Variants in CDH12 observed in about 807,000 individuals in gnomAD.
The protein encoded by CDH12 is cadherin-12.
In CDH12, 41 loss-of-function variants were observed where a neutral mutation model predicts 74.1. That is an observed-to-expected ratio of 0.55 (90% CI 0.43 to 0.72). The LOEUF is 0.72. CDH12 is among the 30% of genes least tolerant of loss of function. The pLI, the probability that CDH12 is intolerant of heterozygous loss-of-function variation, is 0.00. For synonymous variants in CDH12, 399 were observed against 355.0 expected (o/e 1.12, Z -1.39); for missense variants, 945 against 977.2 (o/e 0.97, Z 0.44).
At chr5:22,471,232 G>C (rs1251355683) in intron 2 of CDH12, among the ~76,000 whole-genome samples, 1 of 152,022 alleles carries the variant, frequency 6.6e-6, no homozygotes, top group Non-Finnish European at 1.5e-5. Flanking sequence ...CTAACACGTG[G>C]GTGTTCTGCC....
intron 1 of CDH12, among the ~76,000 whole-genome samples, chr5:22,840,402 A>G (rs1330550286): frequency 6.6e-6 from 1 of 152,126 alleles, no homozygotes; most frequent in African/African-American, 2.4e-5. Flanking sequence ...GATTACAGGC[A>G]TGAAACGAAT....
intron 6 of CDH12, among the ~76,000 whole-genome samples, chr5:21,891,614 A>G (rs1428379523): frequency 1.3e-5 from 1 of 78,346 alleles, no homozygotes; most frequent in African/African-American, 3.1e-5. Flanking sequence ...CTTTCTGGCA[A>G]TGTTTCTTAC....
chr5:22,003,551 T>C (rs1243075765), intron 5 of CDH12, among the ~76,000 whole-genome samples: 1 of 152,204 alleles, frequency 6.6e-6, no homozygotes, highest in Non-Finnish European at 1.5e-5. Flanking sequence ...CTCAATTACA[T>C]TGGCAGTGGG....
rs368953234 is a variant in CDH12 at position 22,849,782 on chromosome 5, A to G, written c.-523+3276T>C. On this transcript the variant is annotated intron_variant, in intron 1 of 14. Transcript: ENST00000382254. ...ATTTTACATTGTTCAAGAAACACAT[A>G]TCTTACATTCAAGGTAATATAAATC... 6.6e-5 allele frequency among the ~76,000 whole-genome samples: 10 copies of G among 152,284 alleles called. No homozygotes were observed. The East Asian group carries it at 7.7e-4, about 12-fold the overall frequency.
At chr5:21,785,216 A>G (rs535378309) in intron 10 of CDH12, among the ~76,000 whole-genome samples, 32 of 152,280 alleles carry the variant, frequency 2.1e-4, no homozygotes, top group Middle Eastern at 3.4e-3. Context: ...AACTTAATCA[A>G]TCAACGTTGT....
intron 1 of CDH12, among the ~76,000 whole-genome samples, chr5:22,830,668 G>A (rs1341379492): frequency 6.6e-6 from 1 of 151,536 alleles, no homozygotes; most frequent in Non-Finnish European, 1.5e-5. Context: ...TTCCTAGAAA[G>A]AGATAATGTA....
rs1275825752 is a variant in CDH12, at chr5:22,389,687, C to T, written c.-333+15570G>A. 6.2e-5 allele frequency among the ~76,000 whole-genome samples: 9 copies of T among 144,172 alleles called. No homozygotes were observed. The South Asian group carries it at 6.6e-4, about 11-fold the overall frequency. The allele number at this position is 144,172 out of a possible 152,430, so 94.6% of individuals were successfully genotyped here. A position where few individuals can be genotyped will look rare whatever the true frequency, so the allele number is the denominator to read the frequency against. ...TTTTTGAGACAGAGTCTCACTCTGTCGCCAGGCTGGAGTGCAGTGGCATGG... is the reference window on the plus strand; with the variant it reads ...TTTTTGAGACAGAGTCTCACTCTGTTGCCAGGCTGGAGTGCAGTGGCATGG... On this transcript the variant is annotated intron_variant, in intron 3 of 14. Transcript: ENST00000382254.
chr5:22,262,132 T>A (rs1027729451), intron 3 of CDH12, among the ~76,000 whole-genome samples: 5 of 152,056 alleles, frequency 3.3e-5, no homozygotes, highest in Non-Finnish European at 4.4e-5. Context: ...CTTTTTTTTT[T>A]TATACTTTAA....
intron 4 of CDH12, among the ~76,000 whole-genome samples, chr5:22,154,019 G>C (rs1483052441): frequency 1.3e-5 from 2 of 148,722 alleles, no homozygotes; most frequent in African/African-American, 4.9e-5. Context: ...TGTATTACAG[G>C]CATGAGCCAT....
At chr5:22,339,604 C>T in intron 3 of CDH12, among the ~76,000 whole-genome samples, 1 of 152,112 alleles carries the variant, frequency 6.6e-6, no homozygotes, top group East Asian at 1.9e-4. Flanking sequence ...ATCCAGAGAA[C>T]ACTCAGAGTA....
chr5:22,776,853 G>A (rs979573914), intron 1 of CDH12, among the ~76,000 whole-genome samples: 1 of 152,148 alleles, frequency 6.6e-6, no homozygotes, highest in Non-Finnish European at 1.5e-5. Context: ...TTTGGACATA[G>A]TTTCAGGCAA....
At chr5:22,848,187 T>G (rs1406182141) in intron 1 of CDH12, among the ~76,000 whole-genome samples, 1 of 152,240 alleles carries the variant, frequency 6.6e-6, no homozygotes, top group Admixed American at 6.5e-5. Context: ...CATGTTAACC[T>G]TTTGAAATAT....
chr5:21,806,038 T>C (rs146244121), intron 9 of CDH12, among the ~76,000 whole-genome samples: 1,706 of 152,274 alleles, frequency 0.011, 38 homozygotes, highest in African/African-American at 0.039. Flanking sequence ...ATTCATCTAA[T>C]TGAGTTGTGC....
chr5:21,789,365 A>G (rs947974677), intron 10 of CDH12, among the ~76,000 whole-genome samples: 1 of 152,230 alleles, frequency 6.6e-6, no homozygotes, highest in African/African-American at 2.4e-5. Flanking sequence ...CCGAGCTGGG[A>G]CATAGGAGTG....
intron 4 of CDH12, among the ~76,000 whole-genome samples, chr5:22,147,133 G>T (rs1291307192): frequency 6.6e-6 from 1 of 151,986 alleles, no homozygotes; most frequent in African/African-American, 2.4e-5. Context: ...CCAACTCTTT[G>T]TTATTCTCAT....
intron 3 of CDH12, among the ~76,000 whole-genome samples, chr5:22,370,131 T>A (rs1481255227): frequency 6.6e-6 from 1 of 152,158 alleles, no homozygotes; most frequent in African/African-American, 2.4e-5. Context: ...AATAGCAACA[T>A]TAAGAGCTGA....
rs542738417 is a variant in CDH12 at position 22,472,150 on chromosome 5, G to C, written c.-428+33120C>G. Among the ~76,000 whole-genome samples, 14 of 152,168 alleles carry C rather than the reference G, an allele frequency of 9.2e-5. No homozygotes were observed. The South Asian group carries it at 2.9e-3, about 32-fold the overall frequency. On this transcript the variant is annotated intron_variant, in intron 2 of 14. Transcript: ENST00000382254. ...ATATCAGGGGTAATCAGATACTATG[G>C]GTGGGAGTATTCTTCCTAAATTAGT...
At chr5:22,433,229 T>G (rs1237439310) in intron 2 of CDH12, among the ~76,000 whole-genome samples, 1 of 152,184 alleles carries the variant, frequency 6.6e-6, no homozygotes, top group Non-Finnish European at 1.5e-5. Context: ...TCCCGCATTA[T>G]TTATGCTCAT....
intron 4 of CDH12, among the ~76,000 whole-genome samples, chr5:22,159,549 A>T (rs781170552): frequency 1.3e-5 from 2 of 152,152 alleles, no homozygotes; most frequent in Non-Finnish European, 2.9e-5. Context: ...TCTCTGTTTG[A>T]CTTAATCGCT....
Sources: gnomAD v4.1 joint callset for allele counts (sites outside exome capture counted in the v4.1 genomes callset) on GRCh38, gnomAD v4.1.1 for gene constraint, MANE v1.5 for transcripts, NCBI Gene and HGNC (gene_info 2026-07-23, HGNC 2026-07-21) for gene names.